Variants in CALD1 observed in about 807,000 individuals in gnomAD.
CALD1 encodes caldesmon.
CALD1 carries 33 observed loss-of-function variants against 99.9 expected under a neutral mutation model. The ratio of observed to expected loss-of-function variants is 0.33; its 90% CI spans 0.25 to 0.44. CALD1 has a LOEUF of 0.44. Ranked by LOEUF, CALD1 falls within the 20% of genes least tolerant of loss-of-function variation. CALD1 has a pLI of 1.00. For missense variants in CALD1, 861 were observed against 962.1 expected, an observed-to-expected ratio of 0.89 and a Z score of 1.39; for synonymous variants, 310 against 325.0, an observed-to-expected ratio of 0.95 and a Z score of 0.50.
At chr7:134,718,899 C>T in the CALD1 span, among the ~76,000 whole-genome samples, 1 of 152,162 alleles carries the variant, frequency 6.6e-6, no homozygotes, top group Non-Finnish European at 1.5e-5. Context: ...AGATGAATAA[C>T]ACTTGCCAAA....
the CALD1 span, among the ~76,000 whole-genome samples, chr7:134,738,554 A>T: frequency 6.6e-6 from 1 of 152,200 alleles, no homozygotes; most frequent in African/African-American, 2.4e-5. Context: ...CTGGCCTCCA[A>T]TTAAATATAT....
chr7:134,904,487 G>A (rs1253648611), intron 3 of CALD1, among the ~76,000 whole-genome samples: 1 of 152,016 alleles, frequency 6.6e-6, no homozygotes, highest in African/African-American at 2.4e-5. Flanking sequence ...AGGCTGCGGT[G>A]GGAGGATTGC....
At chr7:134,760,606 G>T (rs1035860493) in intron 1 of CALD1, among the ~76,000 whole-genome samples, 1 of 152,100 alleles carries the variant, frequency 6.6e-6, no homozygotes, top group Non-Finnish European at 1.5e-5. Flanking sequence ...GAAAAACATA[G>T]AATTTAGAGA....
intron 1 of CALD1, among the ~76,000 whole-genome samples, chr7:134,794,097 G>A (rs1797653707): frequency 6.6e-6 from 1 of 152,132 alleles, no homozygotes; most frequent in African/African-American, 2.4e-5. Flanking sequence ...TCAAGGCACA[G>A]CTGAGCACAT....
At chr7:134,733,376 A>G in the CALD1 span, among the ~76,000 whole-genome samples, 4 of 152,320 alleles carry the variant, frequency 2.6e-5, no homozygotes, top group African/African-American at 7.2e-5. Flanking sequence ...GTTTATGGGA[A>G]AAATGTCTTT....
the CALD1 span, among the ~76,000 whole-genome samples, chr7:134,735,884 G>A: frequency 5.9e-5 from 9 of 152,104 alleles, no homozygotes; most frequent in Admixed American, 2.0e-4. Context: ...ACTATCCTAT[G>A]CAGAAATACC....
At chr7:134,726,508 A>AGGTTTTT in the CALD1 span, among the ~76,000 whole-genome samples, 9,197 of 138,830 alleles carry the variant, frequency 0.066, 1,102 homozygotes, top group African/African-American at 0.2. Flanking sequence ...TAGATATATA[A>AGGTTTTT]TATACAATAT....
intron 6 of CALD1, among the ~76,000 whole-genome samples, chr7:134,937,601 AAAC>A (rs1168489170): frequency 2.6e-5 from 4 of 151,990 alleles, no homozygotes; most frequent in Admixed American, 6.6e-5. Context: ...CAGCCATTTT[AAAC>A]AACCTCTTCC....
chr7:134,881,295 C>T (rs1161936245), intron 3 of CALD1, among the ~76,000 whole-genome samples: 1 of 152,200 alleles, frequency 6.6e-6, no homozygotes, highest in Non-Finnish European at 1.5e-5. Flanking sequence ...TTTTCTCCAA[C>T]TCTGGCACTT....
intron 1 of CALD1, among the ~76,000 whole-genome samples, chr7:134,780,165 A>C (rs1399974112): frequency 2.0e-5 from 3 of 152,244 alleles, no homozygotes; most frequent in Non-Finnish European, 2.9e-5. Flanking sequence ...TTTGCTTTAA[A>C]AACAAAATCA....
At chr7:134,837,131 T>C (rs960588678) in intron 1 of CALD1, among the ~76,000 whole-genome samples, 3 of 150,842 alleles carry the variant, frequency 2.0e-5, no homozygotes, top group African/African-American at 4.9e-5. Context: ...CTCAGCAAAA[T>C]TTCCCTGGGT....
At chr7:134,927,924 T>C (rs1313756528) in intron 3 of CALD1, 1 of 147,972 alleles carries the variant, frequency 6.8e-6, no homozygotes, top group Non-Finnish European at 1.5e-5. Context: ...ATATGTATTA[T>C]TTAATAATAT....
At chr7:134,905,147 T>TA in intron 3 of CALD1, among the ~76,000 whole-genome samples, 1 of 152,262 alleles carries the variant, frequency 6.6e-6, no homozygotes. Context: ...TTAAGATCCT[T>TA]AAGTTAGAAA....
At chr7:134,855,895 G>T (rs1318005207) in intron 2 of CALD1, among the ~76,000 whole-genome samples, 1 of 152,150 alleles carries the variant, frequency 6.6e-6, no homozygotes, top group Non-Finnish European at 1.5e-5. Context: ...GACAAGCTAG[G>T]TAACTGTCGA....
At chr7:134,917,689 CAAAG>C (rs1479346717) in intron 3 of CALD1, among the ~76,000 whole-genome samples, 1 of 152,118 alleles carries the variant, frequency 6.6e-6, no homozygotes, top group Non-Finnish European at 1.5e-5. Flanking sequence ...CTGTTATAAA[CAAAG>C]AATTCTAGGT....
the CALD1 span, among the ~76,000 whole-genome samples, chr7:134,715,610 C>T: frequency 6.6e-6 from 1 of 152,084 alleles, no homozygotes; most frequent in Non-Finnish European, 1.5e-5. Context: ...AACTTTCTTG[C>T]CTTCAGGTTT....
intron 2 of CALD1, among the ~76,000 whole-genome samples, chr7:134,862,394 A>G (rs1800601218): frequency 6.6e-6 from 1 of 152,234 alleles, no homozygotes; most frequent in Non-Finnish European, 1.5e-5. Context: ...ATGGCCCAGC[A>G]GAGCTATCAG....
At chr7:134,883,557 G>GT (rs1002017334) in intron 3 of CALD1, among the ~76,000 whole-genome samples, 6 of 151,980 alleles carry the variant, frequency 3.9e-5, no homozygotes, top group African/African-American at 1.5e-4. Flanking sequence ...TGCTTTTCCT[G>GT]TTTTAATCTT....
chr7:134,961,818 G>A (rs1267280356), intron 13 of CALD1: 1 of 152,126 alleles, frequency 6.6e-6, no homozygotes, highest in African/African-American at 2.4e-5. Flanking sequence ...AAAGTTATGT[G>A]CTCTTTAGTG....
Sources: allele counts gnomAD v4.1 joint callset (sites outside exome capture counted in the v4.1 genomes callset), GRCh38; gene constraint gnomAD v4.1.1; transcripts MANE v1.5; gene names NCBI Gene and HGNC (gene_info 2026-07-23, HGNC 2026-07-21).